Variants in KIRREL3 observed in about 807,000 individuals in gnomAD.
KIRREL3 encodes the protein kin of IRRE-like protein 3.
Under a neutral mutation model 89.7 loss-of-function variants are expected in KIRREL3, and 36 were observed. That is an observed-to-expected ratio of 0.40 (90% CI 0.31 to 0.53). The LOEUF is 0.53. KIRREL3 is among the 20% of genes least tolerant of loss of function. KIRREL3 has a pLI of 0.49. For synonymous variants in KIRREL3, 445 were observed against 441.4 expected, an observed-to-expected ratio of 1.01 and a Z score of -0.10; for missense variants, 864 against 1,056.6, an observed-to-expected ratio of 0.82 and a Z score of 2.53.
rs1019973619 is a variant in KIRREL3, at chr11:126,531,577, A to G, written c.134-4890T>C. 9.5e-5 allele frequency among the ~76,000 whole-genome samples: 1 copy of G among 10,562 alleles called. No homozygotes were observed. The highest frequency in any genetic ancestry group is 2.8e-3 in the South Asian group (1 of 360). 6.9% of individuals were successfully genotyped at this position (10,562 alleles called of 152,430 possible). ...CCCCCCACCCAAGGCTCCCCCACCC[A>G]AGGCCCCCCCTAAGCAACCCCACCT... On this transcript the variant is annotated intron_variant, in intron 2 of 16. Coordinates refer to ENST00000525144, the MANE Select transcript of KIRREL3 (RefSeq NM_032531.4). The surrounding 1 kb of genome is among the most constrained non-coding windows in gnomAD (Gnocchi z 4.7).
At chr11:126,716,977 C>T (rs902357789) in intron 1 of KIRREL3, among the ~76,000 whole-genome samples, 3 of 152,060 alleles carry the variant, frequency 2.0e-5, no homozygotes, top group South Asian at 2.1e-4. Flanking sequence ...TGATTTGGTG[C>T]GTTTTTGACA....
At position 126,575,178 on chromosome 11, in the gene KIRREL3, G is replaced by A. The variant is rs145387286; in HGVS notation, c.56-12266C>T. Among the ~76,000 whole-genome samples, 23 of 152,346 alleles carry A rather than the reference G, an allele frequency of 1.5e-4. No individual in the cohort carries two copies. Among genetic ancestry groups the A allele is most frequent in the African/African-American group, 5.1e-4 (21 of 41,580 alleles). On this transcript the variant is annotated intron_variant, in intron 1 of 16. Coordinates refer to ENST00000525144, the MANE Select transcript of KIRREL3 (RefSeq NM_032531.4). The surrounding 1 kb of genome is among the most constrained non-coding windows in gnomAD (Gnocchi z 7.0). ...TTTAAAAAAAAGAGGCTTAAGCTAA[G>A]AAGCCCGGGGAGTAGGAAGTTCTAT...
rs552313080 is a variant in KIRREL3, at chr11:126,767,796, G to A, written c.56-204884C>T. Among the ~76,000 whole-genome samples, 3 of 152,334 alleles carry A rather than the reference G, an allele frequency of 2.0e-5. No individual in the cohort carries two copies. The East Asian group carries it at 5.8e-4, about 29-fold the overall frequency. On this transcript the variant is annotated intron_variant, in intron 1 of 16. Transcript: ENST00000525144. ...AGAACCCAGCAAAATAATGGACATT[G>A]AAACACTGCATAGAATTCGCTGCAA...
chr11:126,914,015 G>C (rs59108600), intron 1 of KIRREL3, among the ~76,000 whole-genome samples: 10,992 of 152,308 alleles, frequency 0.072, 489 homozygotes, highest in Middle Eastern at 0.12. Context: ...ACTATTTGCA[G>C]GTCAGCATCG....
rs1951270868 is a variant in KIRREL3 at position 126,808,356 on chromosome 11, T to G, written c.55+192099A>C. Among the ~76,000 whole-genome samples the G allele has an allele frequency of 6.6e-6, 1 of 152,190 alleles. No homozygotes were observed. Among genetic ancestry groups the G allele is most frequent in the South Asian group, 2.1e-4 (1 of 4,826 alleles). On this transcript the variant is annotated intron_variant, in intron 1 of 16. Coordinates refer to ENST00000525144, the MANE Select transcript of KIRREL3 (RefSeq NM_032531.4). This position sits in a 1 kb window ranked among gnomAD's most constrained non-coding sequence, Gnocchi z 4.1. ...GGGGTGCAGCTTTCAAGGAGTCATT[T>G]CAGCAATTTAGTCCTTGCTCCAGGG... is the stretch of plus-strand genomic sequence containing the variant.
intron 4 of KIRREL3, among the ~76,000 whole-genome samples, chr11:126,512,126 C>T (rs1404686180): frequency 2.0e-5 from 3 of 152,242 alleles, no homozygotes; most frequent in South Asian, 2.1e-4. Flanking sequence ...GGCCTCATGC[C>T]GATGAGTCTG....
In KIRREL3 at chr11:126,428,047, GA is replaced by G. The variant is rs901894701; in HGVS notation, c.1806+1131del. On this transcript the variant is annotated intron_variant, in intron 15 of 16. Coordinates refer to ENST00000525144, the MANE Select transcript of KIRREL3 (RefSeq NM_032531.4). This position sits in a 1 kb window ranked among gnomAD's most constrained non-coding sequence, Gnocchi z 6.4. Reference sequence around the variant, plus strand: ...TCTACCAGGGCCTGTGTAAGGCTCCGAAGACCCCGGGATGAACACAGCAGCA... The same window carrying G: ...TCTACCAGGGCCTGTGTAAGGCTCCGAGACCCCGGGATGAACACAGCAGCA... Among the ~76,000 whole-genome samples the G allele has an allele frequency of 2.6e-5, 4 of 152,188 alleles. No individual in the cohort carries two copies. The highest frequency in any genetic ancestry group is 2.9e-5 in the Non-Finnish European group (2 of 68,040).
Position 126,456,349 on chromosome 11 carries a change from C to A in KIRREL3, c.848G>T (p.Arg283Met). ...AKANPAVTQY[R>M]WAKRGQIIKE... The stretch of plus-strand genomic sequence containing the variant: ...GGGCCCCCTCAGCAGTGACTCTCAC[C>A]TGTACTGGGTGACAGCTGGGTTGGC... Residue 283 changes from arginine (R) to methionine (M), a missense_variant and splice_region_variant, in exon 7 of 17, where the codon AGG (arginine) becomes ATG (methionine). Coordinates refer to ENST00000525144, the MANE Select transcript of KIRREL3 (RefSeq NM_032531.4). 1 of 1,576,330 alleles carries A rather than the reference C, an allele frequency of 6.3e-7. No homozygotes were observed. The highest frequency in any genetic ancestry group is 1.2e-5 in the South Asian group (1 of 85,572).
Position 126,731,960 on chromosome 11 carries a change from C to G in KIRREL3, c.56-169048G>C, listed in dbSNP as rs543753272. Among the ~76,000 whole-genome samples the G allele has an allele frequency of 2.6e-5, 4 of 152,352 alleles. No homozygotes were observed. The South Asian group carries it at 6.2e-4, about 24-fold the overall frequency. On this transcript the variant is annotated intron_variant, in intron 1 of 16. Transcript: ENST00000525144. ...GAGGAAGCAGCTGAGGACTGTGCCC[C>G]CAGCAGCAAAGAGAGAGAGAAGTCA... is the stretch of plus-strand genomic sequence containing the variant.
intron 1 of KIRREL3, among the ~76,000 whole-genome samples, chr11:126,804,550 A>G (rs2134403854): frequency 6.6e-6 from 1 of 152,272 alleles, no homozygotes; most frequent in Admixed American, 6.5e-5. Context: ...CCTCCGCTGA[A>G]CTTCACCTTG....
At position 126,608,517 on chromosome 11, in the gene KIRREL3, G is replaced by A. The variant is rs1942985568; in HGVS notation, c.56-45605C>T. Among the ~76,000 whole-genome samples, 2 of 152,110 alleles carry A rather than the reference G, an allele frequency of 1.3e-5. No individual in the cohort carries two copies. Among genetic ancestry groups the A allele is most frequent in the Admixed American group, 1.3e-4 (2 of 15,276 alleles). ...ATTCCTCCAGTGCGTTCCCAGGCAGGTGTTTTGAGAAACTCCCCTCCTCTT... is the reference window on the plus strand; with the variant it reads ...ATTCCTCCAGTGCGTTCCCAGGCAGATGTTTTGAGAAACTCCCCTCCTCTT... On this transcript the variant is annotated intron_variant, in intron 1 of 16. Coordinates refer to ENST00000525144, the MANE Select transcript of KIRREL3 (RefSeq NM_032531.4). This position sits in a 1 kb window ranked among gnomAD's most constrained non-coding sequence, Gnocchi z 4.9.
intron 1 of KIRREL3, among the ~76,000 whole-genome samples, chr11:126,801,646 T>C (rs10750339): frequency 0.23 from 34,386 of 152,242 alleles, 4,537 homozygotes; most frequent in East Asian, 0.46. Context: ...CTTTCTCTCC[T>C]GGCCCATTTC....
chr11:126,543,929 G>A (rs1214198773), intron 2 of KIRREL3: 1 of 152,322 alleles, frequency 6.6e-6, no homozygotes, highest in Non-Finnish European at 1.5e-5. Flanking sequence ...CCGTGGTGCT[G>A]AGCCACTTAT....
intron 7 of KIRREL3, among the ~76,000 whole-genome samples, chr11:126,450,318 C>T (rs182832165): frequency 4.6e-5 from 6 of 129,506 alleles, no homozygotes; most frequent in Admixed American, 7.6e-5. Context: ...CCCATGTGCA[C>T]GTGTGCATGT....
Position 126,627,300 on chromosome 11 carries a change from CAG to C in KIRREL3, c.56-64390_56-64389del. On this transcript the variant is annotated intron_variant, in intron 1 of 16. Transcript: ENST00000525144. This position sits in a 1 kb window ranked among gnomAD's most constrained non-coding sequence, Gnocchi z 5.0. ...TTCCTGGGGGAGATGAGGAAGGAGA[CAG>C]AGGCTGGAGCAGGTGGCCAAGGGCC... is the stretch of plus-strand genomic sequence containing the variant. Among the ~76,000 whole-genome samples, 1 of 152,248 alleles carries C rather than the reference CAG, an allele frequency of 6.6e-6. No homozygotes were observed. The highest frequency in any genetic ancestry group is 2.1e-4 in the South Asian group (1 of 4,816).
In KIRREL3 at chr11:126,519,459, T is replaced by A. The variant is rs944466673; in HGVS notation, c.433+1856A>T. On this transcript the variant is annotated intron_variant, in intron 4 of 16. Transcript: ENST00000525144. The surrounding 1 kb of genome is among the most constrained non-coding windows in gnomAD (Gnocchi z 4.3). ...CATTCGAAATAATCTGGACTTTTAA[T>A]ACGTTGGACTTTTTTACGTAACGTA... 6.6e-6 allele frequency among the ~76,000 whole-genome samples: 1 copy of A among 152,392 alleles called. No homozygotes were observed. Among genetic ancestry groups the A allele is most frequent in the East Asian group, 1.9e-4 (1 of 5,188 alleles).
At chr11:126,618,217 T>A (rs1943433094) in intron 1 of KIRREL3, among the ~76,000 whole-genome samples, 1 of 152,150 alleles carries the variant, frequency 6.6e-6, no homozygotes, top group Non-Finnish European at 1.5e-5. Flanking sequence ...TCAGCTAGGC[T>A]GAGGCAGATT....
At chr11:126,632,654 C>T (rs554882325) in intron 1 of KIRREL3, among the ~76,000 whole-genome samples, 1 of 8,498 alleles carries the variant, frequency 1.2e-4, no homozygotes, top group South Asian at 3.0e-3. Context: ...ACTTTCTTGT[C>T]TCTATTATTT....
intron 11 of KIRREL3, chr11:126,440,241 A>G (rs1322705777): frequency 1.4e-6 from 1 of 701,468 alleles, no homozygotes; most frequent in Non-Finnish European, 2.6e-6. Context: ...TGGCAGCTGA[A>G]CCCTGGGAGA....
Sources: gnomAD v4.1 joint callset for allele counts (sites outside exome capture counted in the v4.1 genomes callset) on GRCh38, gnomAD v4.1.1 for gene constraint, Gnocchi (gnomAD v3.1) non-coding constraint, MANE v1.5 for transcripts, NCBI Gene and HGNC (gene_info 2026-07-23, HGNC 2026-07-21) for gene names.